ZNF280C: variants seen among roughly 807,000 people sequenced by gnomAD.
The protein encoded by ZNF280C is zinc finger protein 280C.
In ZNF280C, 14 loss-of-function variants were observed where a neutral mutation model predicts 53.6. That is an observed-to-expected ratio of 0.26 (90% CI 0.17 to 0.41). ZNF280C has a LOEUF of 0.41. Ranked by LOEUF, ZNF280C falls within the 10% of genes least tolerant of loss-of-function variation. The pLI is 1.00. For missense variants in ZNF280C, 416 were observed against 547.1 expected (o/e 0.76, Z 2.39); for synonymous variants, 203 against 181.1 (o/e 1.12, Z -0.97).
intron 12 of ZNF280C, among the ~76,000 whole-genome samples, chrX:130,221,790 C>T (rs746172327): frequency 1.8e-5 from 2 of 111,830 alleles, no homozygotes; most frequent in East Asian, 5.6e-4. Context: ...CCTATCTTCT[C>T]CCTATTTCCA....
rs779098722 is a variant in ZNF280C, at chrX:130,205,101, G to A, written c.2198+16C>T. ...GTCCATCAAAGCAAAATGCACTGAA[G>A]GAAAATTAAACTTACCCAGTAGTGG... is the stretch of plus-strand genomic sequence containing the variant. On this transcript the variant is annotated intron_variant, in intron 18 of 18. Transcript: ENST00000370978. 1.7e-6 allele frequency: 2 copies of A among 1,191,003 alleles called. No individual in the cohort carries two copies. Among genetic ancestry groups the A allele is most frequent in the Admixed American group, 2.4e-5 (1 of 42,545 alleles).
Position 130,213,621 on chromosome X carries a change from A to G in ZNF280C, c.1979+1572T>C, listed in dbSNP as rs775779546. ...AGACCTTGAGGGCATGGTTGGCTACAAAATTGAATTGATACTACTGGACTA... is the reference window on the plus strand; with the variant it reads ...AGACCTTGAGGGCATGGTTGGCTACGAAATTGAATTGATACTACTGGACTA... On this transcript the variant is annotated intron_variant, in intron 15 of 18. Transcript: ENST00000370978. Among the ~76,000 whole-genome samples, 13 of 112,245 alleles carry G rather than the reference A, an allele frequency of 1.2e-4. 1 individual carries two copies. The highest frequency in any genetic ancestry group is 7.5e-5 in the Non-Finnish European group (4 of 53,233).
At chrX:130,235,202 T>C (rs1040984313) in intron 8 of ZNF280C, among the ~76,000 whole-genome samples, 43 of 112,644 alleles carry the variant, frequency 3.8e-4, no homozygotes, top group Non-Finnish European at 3.8e-5. Flanking sequence ...TTGCAATTTG[T>C]ACATTATTTT....
intron 3 of ZNF280C, among the ~76,000 whole-genome samples, chrX:130,246,231 A>G (rs190007238): frequency 8.9e-6 from 1 of 112,548 alleles, no homozygotes; most frequent in East Asian, 2.8e-4. Flanking sequence ...TGCATTGTCC[A>G]AGTATAGTGT....
chrX:130,204,648 CA>C lies in ZNF280C; in HGVS notation c.*328del. 1 of 201,640 alleles carries C rather than the reference CA, an allele frequency of 5.0e-6. No individual in the cohort carries two copies. The highest frequency in any genetic ancestry group is 8.9e-6 in the Non-Finnish European group (1 of 112,253). 16.6% of individuals were successfully genotyped at this position (201,640 alleles called of 1,213,427 possible). Reference sequence around the variant, plus strand: ...ACTTATAAGAAATTAAGAAAGCAGACAAAACAGACAGAAAAAGATGAACAGT... The same window carrying C: ...ACTTATAAGAAATTAAGAAAGCAGACAAACAGACAGAAAAAGATGAACAGT... On this transcript the variant is annotated 3_prime_UTR_variant, in exon 19 of 19. Transcript: ENST00000370978.
chrX:130,231,194 C>G (rs1037634389), intron 8 of ZNF280C, among the ~76,000 whole-genome samples: 10 of 111,434 alleles, frequency 9.0e-5, no homozygotes, highest in Non-Finnish European at 1.3e-4. Context: ...TTTGACCCAG[C>G]AATCTCATCA....
At chrX:130,227,108 C>T (rs182444683) in intron 11 of ZNF280C, among the ~76,000 whole-genome samples, 2 of 111,276 alleles carry the variant, frequency 1.8e-5, no homozygotes, top group Non-Finnish European at 1.9e-5. Context: ...GCATATATTC[C>T]AAAACACAGT....
At chrX:130,240,629 C>T (rs1233398098) in intron 5 of ZNF280C, among the ~76,000 whole-genome samples, 13 of 112,365 alleles carry the variant, frequency 1.2e-4, no homozygotes, top group Non-Finnish European at 5.6e-5. Flanking sequence ...GTAACACTTT[C>T]AACCTTTTCT....
At chrX:130,237,981 T>C (rs1345686249) in intron 6 of ZNF280C, among the ~76,000 whole-genome samples, 1 of 111,480 alleles carries the variant, frequency 9.0e-6, no homozygotes. Flanking sequence ...AAAATCAACC[T>C]GAGCTCAATA....
At chrX:130,213,131 A>ATCATGAGG (rs2032058299) in intron 15 of ZNF280C, among the ~76,000 whole-genome samples, 1 of 111,589 alleles carries the variant, frequency 9.0e-6, no homozygotes, top group African/African-American at 3.3e-5. Flanking sequence ...AGGCGGGCGG[A>ATCATGAGG]TCATGAGGTC....
intron 11 of ZNF280C, 85 bp from the exon 12 acceptor site, chrX:130,226,990 G>T: frequency 1.1e-6 from 1 of 920,591 alleles, no homozygotes; most frequent in Non-Finnish European, 1.5e-6. Context: ...CGGGTCATCT[G>T]TTTGGAAGAA....
At chrX:130,222,344 T>C (rs941549631) in intron 12 of ZNF280C, among the ~76,000 whole-genome samples, 3 of 93,033 alleles carry the variant, frequency 3.2e-5, no homozygotes, top group East Asian at 7.3e-4. Context: ...TTCTCTACCA[T>C]GATGCATTAT....
chrX:130,209,591 T>C, intron 16 of ZNF280C, 62 bp downstream of exon 16: 1 of 1,035,765 alleles, frequency 9.7e-7, no homozygotes, highest in Non-Finnish European at 1.3e-6. Context: ...CACTCCAACA[T>C]CAAGTTTTAA....
At chrX:130,260,500 G>A (rs368678352) in intron 1 of ZNF280C, 35 bp from the exon 2 acceptor site, 1 of 1,098,828 alleles carries the variant, frequency 9.1e-7, no homozygotes. Context: ...TCAATGTTAT[G>A]AGTCACTTTA....
In ZNF280C at chrX:130,251,459, C is replaced by A. The variant is rs748716385; in HGVS notation, c.32-4454G>T. Among the ~76,000 whole-genome samples the A allele has an allele frequency of 2.7e-5, 3 of 110,897 alleles. No individual in the cohort carries two copies. In the South Asian group the frequency reaches 1.1e-3, roughly 42 times the overall value. On this transcript the variant is annotated intron_variant, in intron 2 of 18. Transcript: ENST00000370978. ...AAAACAAAAGAAAATCCCAGGACAACAGCTGTGCAGTAGGTCTACAGAGCA... is the reference window on the plus strand; with the variant it reads ...AAAACAAAAGAAAATCCCAGGACAAAAGCTGTGCAGTAGGTCTACAGAGCA...
At chrX:130,225,083 G>C (rs1362188034) in intron 12 of ZNF280C, among the ~76,000 whole-genome samples, 1 of 111,350 alleles carries the variant, frequency 9.0e-6, no homozygotes, top group African/African-American at 3.3e-5. Context: ...AGGATATGAA[G>C]AATGACTACA....
At chrX:130,265,747 C>T (rs1304906001) in intron 1 of ZNF280C, among the ~76,000 whole-genome samples, 4 of 112,318 alleles carry the variant, frequency 3.6e-5, no homozygotes, top group South Asian at 7.3e-4. Context: ...ACCTTCCTTG[C>T]AGCACTACTG....
At chrX:130,210,694 C>T (rs1410946845) in intron 15 of ZNF280C, among the ~76,000 whole-genome samples, 1 of 112,522 alleles carries the variant, frequency 8.9e-6, no homozygotes, top group African/African-American at 3.2e-5. Context: ...TAAAACAATG[C>T]TTCTCCTACA....
intron 2 of ZNF280C, among the ~76,000 whole-genome samples, chrX:130,253,838 G>T (rs1019692418): frequency 8.9e-6 from 1 of 111,775 alleles, no homozygotes; most frequent in African/African-American, 3.3e-5. Context: ...TACCATTCTG[G>T]ACATAGGAAT....
Sources: allele counts gnomAD v4.1 joint callset (sites outside exome capture counted in the v4.1 genomes callset), GRCh38; gene constraint gnomAD v4.1.1; transcripts MANE v1.5; gene names NCBI Gene and HGNC (gene_info 2026-07-23, HGNC 2026-07-21).